Variants in SYNE2 observed in about 807,000 individuals in gnomAD.
SYNE2 encodes spectrin repeat containing nuclear envelope protein 2.
Under a neutral mutation model 856.3 loss-of-function variants are expected in SYNE2, and 431 were observed. That is an observed-to-expected ratio of 0.50 (90% CI 0.47 to 0.55). The LOEUF is 0.55. Among genes scored for constraint, SYNE2 ranks in the 20% least tolerant of loss-of-function variants. The probability of loss-of-function intolerance (pLI) is 0.00; values close to 1 mark genes in which losing one functional copy is unlikely to be tolerated. For missense variants in SYNE2, 8,129 were observed against 8,023.2 expected (o/e 1.01, Z -0.50); for synonymous variants, 2,923 against 2,872.3 (o/e 1.02, Z -0.56).
intron 1 of SYNE2, among the ~76,000 whole-genome samples, chr14:63,866,305 C>G (rs1392460901): frequency 2.0e-5 from 3 of 152,166 alleles, no homozygotes; most frequent in Non-Finnish European, 4.4e-5. Flanking sequence ...TTTGGGTGAA[C>G]TCTTTCAATT....
At chr14:63,858,297 T>G (rs1892463878) in intron 1 of SYNE2, among the ~76,000 whole-genome samples, 2 of 124,580 alleles carry the variant, frequency 1.6e-5, no homozygotes, top group Admixed American at 1.7e-4. Context: ...TTTTTTTTGA[T>G]TTTTAGTAGA....
chr14:64,190,694 C>T, intron 99 of SYNE2: 2 of 689,950 alleles, frequency 2.9e-6, no homozygotes, highest in South Asian at 1.5e-5. Flanking sequence ...GGGCAGGAGT[C>T]TACTCTTAAA....
At position 63,961,600 on chromosome 14, in the gene SYNE2, C is replaced by G. The variant is rs755793729; in HGVS notation, c.863C>G (p.Ala288Gly). Residue 288 changes from alanine to glycine, a missense_variant, in exon 9 of 116, where the codon GCC becomes GGC. This residue lies in a region of SYNE2 where 2,422 missense variants were observed against 2,357.4 expected (regional missense o/e 1.03). Transcript: ENST00000555002. The part of the protein sequence containing the change: ...VAQFLQYSKD[A>G]PGTGEEAQGK... Reference sequence around the variant, plus strand: ...CAGTTTCTGCAGTATTCCAAAGATGCCCCTGGGACTGGAGAGGAGGCTCAG... The same window carrying G: ...CAGTTTCTGCAGTATTCCAAAGATGGCCCTGGGACTGGAGAGGAGGCTCAG... 1.2e-6 allele frequency: 2 copies of G among 1,613,746 alleles called. No homozygotes were observed. Among genetic ancestry groups the G allele is most frequent in the South Asian group, 2.2e-5 (2 of 91,054 alleles).
chr14:64,190,313 T>G lies in SYNE2; in HGVS notation c.18038+76T>G, dbSNP rs965193775. ...CAGATCTAGTAAACTGAACCCAGTC[T>G]TCCTCTAAGATGATCCAGCAATTTT... On this transcript the variant is annotated intron_variant, in intron 99 of 115. Transcript: ENST00000555002. The G allele has an allele frequency of 1.9e-6, 3 of 1,581,388 alleles. No homozygotes were observed. In the African/African-American group the frequency reaches 4.0e-5, roughly 21 times the overall value.
intron 26 of SYNE2, 108 bp downstream of exon 26, chr14:63,998,436 A>G: frequency 1.3e-6 from 1 of 742,960 alleles, no homozygotes; most frequent in Non-Finnish European, 2.4e-6. Context: ...CATTTTGCAT[A>G]TGATCCAGTA....
chr14:64,159,794 G>GT (rs1311179617), intron 87 of SYNE2, among the ~76,000 whole-genome samples: 2 of 152,212 alleles, frequency 1.3e-5, no homozygotes, highest in Non-Finnish European at 2.9e-5. Flanking sequence ...CCTGCAGGGG[G>GT]TGTTCAAACA....
rs1170341110 is a variant in SYNE2, at chr14:63,960,973, T to C, written c.788-552T>C. ...AACTTATTTCACCATGGACTCTTAATGCAACACAAAGCCTGGCCTGTAGAA... is the reference window on the plus strand; with the variant it reads ...AACTTATTTCACCATGGACTCTTAACGCAACACAAAGCCTGGCCTGTAGAA... On this transcript the variant is annotated intron_variant, in intron 8 of 115. Coordinates refer to ENST00000555002, the MANE Select transcript of SYNE2 (RefSeq NM_182914.3). The C allele has an allele frequency of 9.0e-5, 48 of 532,462 alleles. No homozygotes were observed. The East Asian group carries it at 1.4e-3, about 16-fold the overall frequency. The allele number at this position is 532,462 out of a possible 1,614,324, so 33.0% of individuals were successfully genotyped here.
intron 47 of SYNE2, 123 bp from the exon 48 acceptor site, chr14:64,051,434 C>A: frequency 2.2e-6 from 2 of 924,972 alleles, no homozygotes; most frequent in Non-Finnish European, 3.2e-6. Flanking sequence ...ATTATTTTTA[C>A]AGACAGCCTA....
chr14:64,177,787 A>T (rs2098441601), intron 96 of SYNE2, among the ~76,000 whole-genome samples: 1 of 152,160 alleles, frequency 6.6e-6, no homozygotes, highest in Non-Finnish European at 1.5e-5. Flanking sequence ...GGCCTCTGAG[A>T]TTCCTGTAAA....
At chr14:64,020,381 G>T (rs767290439) in intron 35 of SYNE2, among the ~76,000 whole-genome samples, 1 of 152,164 alleles carries the variant, frequency 6.6e-6, no homozygotes, top group Non-Finnish European at 1.5e-5. Context: ...GATTGGACAA[G>T]CTTGCCCTAT....
At chr14:63,948,008 A>G (rs1303875034) in intron 6 of SYNE2, among the ~76,000 whole-genome samples, 1 of 152,218 alleles carries the variant, frequency 6.6e-6, no homozygotes, top group African/African-American at 2.4e-5. Context: ...TGGTAACTAT[A>G]TAGTAAGTCT....
intron 77 of SYNE2, 102 bp downstream of exon 77, chr14:64,132,540 G>GC: frequency 6.8e-7 from 1 of 1,463,534 alleles, no homozygotes; most frequent in Non-Finnish European, 9.5e-7. Flanking sequence ...TTAAGCTATA[G>GC]TTAAATGGAA....
intron 31 of SYNE2, among the ~76,000 whole-genome samples, chr14:64,007,663 G>GAT (rs1405486708): frequency 1.3e-5 from 2 of 152,122 alleles, no homozygotes; most frequent in Non-Finnish European, 2.9e-5. Flanking sequence ...GATTGCTTGA[G>GAT]CCTATGTGTT....
At chr14:63,791,331 C>A (rs141064902) in intron 1 of SYNE2, among the ~76,000 whole-genome samples, 1 of 152,144 alleles carries the variant, frequency 6.6e-6, no homozygotes, top group Non-Finnish European at 1.5e-5. Context: ...AAAGGTCTAA[C>A]TGAAATGCAA....
At chr14:64,031,446 C>T in intron 45 of SYNE2, 89 bp downstream of exon 45, 2 of 1,133,182 alleles carry the variant, frequency 1.8e-6, no homozygotes, top group South Asian at 2.6e-5. Flanking sequence ...ATCAAGCATT[C>T]TGATTTCATA....
intron 78 of SYNE2, among the ~76,000 whole-genome samples, chr14:64,135,250 T>A (rs562584146): frequency 6.6e-6 from 1 of 152,286 alleles, no homozygotes; most frequent in East Asian, 1.9e-4. Flanking sequence ...TTATGAAATA[T>A]CAACTTTAAA....
chr14:63,821,396 C>G (rs965410117), intron 1 of SYNE2, among the ~76,000 whole-genome samples: 7 of 152,022 alleles, frequency 4.6e-5, no homozygotes, highest in African/African-American at 1.7e-4. Context: ...ATATAGCACC[C>G]CAAACATCCT....
At chr14:64,063,767 A>G (rs557417722) in intron 50 of SYNE2, among the ~76,000 whole-genome samples, 2 of 152,358 alleles carry the variant, frequency 1.3e-5, no homozygotes, top group African/African-American at 2.4e-5. Flanking sequence ...TATAGGAAGT[A>G]TTGTGCAAAG....
intron 61 of SYNE2, chr14:64,095,186 A>G (rs2097666540): frequency 5.9e-6 from 1 of 169,990 alleles, no homozygotes; most frequent in Non-Finnish European, 1.5e-5. Flanking sequence ...TGTTTTAAGT[A>G]TAGGAAGACA....
Sources: allele counts gnomAD v4.1 joint callset (sites outside exome capture counted in the v4.1 genomes callset), GRCh38; gene constraint gnomAD v4.1.1; regional missense constraint gnomAD v4.1.1; transcripts MANE v1.5; gene names NCBI Gene and HGNC (gene_info 2026-07-23, HGNC 2026-07-21).